Variants in JOSD1 observed in about 807,000 individuals in gnomAD.
JOSD1 encodes Josephin domain containing 1, also known as josephin-1.
A neutral mutation model predicts 24.3 loss-of-function variants in JOSD1; 11 were observed. The ratio of observed to expected loss-of-function variants is 0.45; its 90% CI spans 0.29 to 0.75. The LOEUF (loss-of-function observed/expected upper bound fraction) is 0.75, where lower values mean the gene tolerates loss of function less well. Ranked by LOEUF, JOSD1 falls within the 30% of genes least tolerant of loss-of-function variation. The pLI, the probability that JOSD1 is intolerant of heterozygous loss-of-function variation, is 0.11. For synonymous variants in JOSD1, 106 were observed against 93.8 expected (o/e 1.13, Z -0.75); for missense variants, 184 against 253.5 (o/e 0.73, Z 1.86).
At chr22:38,688,747 G>C (rs2092509009) in intron 4 of JOSD1, among the ~76,000 whole-genome samples, 188 bp downstream of exon 4, 1 of 152,098 alleles carries the variant, frequency 6.6e-6, no homozygotes, top group Non-Finnish European at 1.5e-5. Flanking sequence ...CTACCAAAAG[G>C]ACTTAAAAGT....
intron 2 of JOSD1, among the ~76,000 whole-genome samples, chr22:38,690,425 C>T (rs1205432816): frequency 6.6e-6 from 1 of 150,392 alleles, no homozygotes; most frequent in Non-Finnish European, 1.5e-5. Flanking sequence ...TTTTTTGAGT[C>T]GGAGTCTTGC....
chr22:38,690,280 G>T (rs141273639), intron 2 of JOSD1, among the ~76,000 whole-genome samples: 168 of 152,238 alleles, frequency 1.1e-3, no homozygotes, highest in African/African-American at 3.9e-3. Context: ...TGATCAAGAG[G>T]CTACTACATG....
At chr22:38,695,475 TCTCA>T (rs1279999161) in intron 2 of JOSD1, among the ~76,000 whole-genome samples, 62 of 148,658 alleles carry the variant, frequency 4.2e-4, no homozygotes, top group African/African-American at 1.4e-3. Flanking sequence ...TGAGATAAGG[TCTCA>T]CTCTTTTGCC....
intron 2 of JOSD1, among the ~76,000 whole-genome samples, chr22:38,696,593 C>G (rs568724719): frequency 6.6e-6 from 1 of 152,298 alleles, no homozygotes; most frequent in African/African-American, 2.4e-5. Flanking sequence ...TATACATATA[C>G]ACTGATGACA....
chr22:38,695,203 C>T (rs2092539930), intron 2 of JOSD1, among the ~76,000 whole-genome samples: 1 of 151,994 alleles, frequency 6.6e-6, no homozygotes, highest in African/African-American at 2.4e-5. Flanking sequence ...TTTGCCTAGC[C>T]CTTGGACAAG....
At chr22:38,701,067 C>T (rs2092568480), upstream of JOSD1, 1 of 826,546 alleles carries the variant, frequency 1.2e-6, no homozygotes, top group African/African-American at 1.8e-5. Context: ...TGACGTAAGT[C>T]TGACGTCATC....
chr22:38,695,986 G>A (rs1440026987), intron 2 of JOSD1, among the ~76,000 whole-genome samples: 2 of 152,142 alleles, frequency 1.3e-5, no homozygotes, highest in Non-Finnish European at 2.9e-5. Context: ...AACCCAGAAG[G>A]CGGAGGCTGC....
chr22:38,691,193 T>C (rs182155524), intron 2 of JOSD1, among the ~76,000 whole-genome samples: 1 of 151,720 alleles, frequency 6.6e-6, no homozygotes, highest in Admixed American at 6.6e-5. Context: ...GGCAAAACAC[T>C]GTCTCTGCAA....
intron 2 of JOSD1, among the ~76,000 whole-genome samples, chr22:38,694,840 C>T (rs942524404): frequency 8.8e-6 from 1 of 114,184 alleles, no homozygotes; most frequent in Non-Finnish European, 1.7e-5. Context: ...CCAGCCTGGA[C>T]AAGAGAGCGA....
chr22:38,694,303 G>A (rs548898232), intron 2 of JOSD1, among the ~76,000 whole-genome samples: 45 of 152,330 alleles, frequency 3.0e-4, no homozygotes, highest in African/African-American at 8.7e-4. Context: ...TGCACAGTCA[G>A]GCACAGCTGG....
intron 2 of JOSD1, among the ~76,000 whole-genome samples, chr22:38,692,706 G>A (rs1049541050): frequency 1.3e-5 from 2 of 149,864 alleles, no homozygotes; most frequent in East Asian, 2.0e-4. Flanking sequence ...GCTTGAACCC[G>A]GGAGGCAGAG....
rs913408756 is a variant in JOSD1 at position 38,686,798 on chromosome 22, A to G, written c.*1104T>C. 2 of 152,204 alleles carry G rather than the reference A, an allele frequency of 1.3e-5. No individual in the cohort carries two copies. The highest frequency in any genetic ancestry group is 4.8e-5 in the African/African-American group (2 of 41,424). The allele number at this position is 152,204 out of a possible 1,614,324, so 9.4% of individuals were successfully genotyped here. On this transcript the variant is annotated 3_prime_UTR_variant, in exon 5 of 5. Transcript: ENST00000683374. Reference sequence around the variant, plus strand: ...CGCTGCCCCAAATTAGTGGAATTTGATGTCAAAAGCAGACTTTTTTTTCCT... The same window carrying G: ...CGCTGCCCCAAATTAGTGGAATTTGGTGTCAAAAGCAGACTTTTTTTTCCT...
intron 4 of JOSD1, among the ~76,000 whole-genome samples, chr22:38,688,614 G>A (rs1569262792): frequency 6.6e-6 from 1 of 152,146 alleles, no homozygotes; most frequent in Non-Finnish European, 1.5e-5. Flanking sequence ...TCCCTGGCCT[G>A]CATGTTTGTC....
Position 38,689,358 on chromosome 22 carries a change from C to G in JOSD1, c.252G>C (p.Val84=), listed in dbSNP as rs1569263337. The change falls in exon 3 of 5, where the codon GTG becomes GTC. Residue 84 remains valine (V), a synonymous_variant. Transcript: ENST00000683374. The stretch of plus-strand genomic sequence containing the variant: ...TCTGAAGTGCTGCCATAATGACATT[C>G]ACATCGTAGTTGCCATTTCCCAGCA... ...KSMLGNGNYD[V]NVIMAALQTK... The G allele has an allele frequency of 3.7e-6, 6 of 1,614,226 alleles. No individual in the cohort carries two copies. The Admixed American group carries it at 8.3e-5, about 22-fold the overall frequency.
In JOSD1 at chr22:38,700,033, T is replaced by C; in HGVS notation, c.-46A>G. 1.3e-6 allele frequency: 2 copies of C among 1,535,310 alleles called. No homozygotes were observed. Among genetic ancestry groups the C allele is most frequent in the Non-Finnish European group, 1.7e-6 (2 of 1,143,838 alleles). Reference sequence around the variant, plus strand: ...GAGATGGCTATAAACACCCCACTCTTCCCTCTAGAGGAAGAATGTAAGCTT... The same window carrying C: ...GAGATGGCTATAAACACCCCACTCTCCCCTCTAGAGGAAGAATGTAAGCTT... On this transcript the variant is annotated 5_prime_UTR_variant, in exon 2 of 5. Transcript: ENST00000683374.
At chr22:38,691,574 T>C (rs1282405520) in intron 2 of JOSD1, among the ~76,000 whole-genome samples, 1 of 152,230 alleles carries the variant, frequency 6.6e-6, no homozygotes. Flanking sequence ...TTTTTCTCAC[T>C]GTGCACTCAT....
At chr22:38,696,568 T>A (rs775722266) in intron 2 of JOSD1, among the ~76,000 whole-genome samples, 2 of 152,222 alleles carry the variant, frequency 1.3e-5, no homozygotes, top group Non-Finnish European at 2.9e-5. Flanking sequence ...TGATGAGATC[T>A]AATATCTACA....
In JOSD1 at chr22:38,700,165, C is replaced by G; in HGVS notation, c.-178G>C. 1 of 1,322,940 alleles carries G rather than the reference C, an allele frequency of 7.6e-7. No homozygotes were observed. Among genetic ancestry groups the G allele is most frequent in the Non-Finnish European group, 9.6e-7 (1 of 1,037,154 alleles). The allele number at this position is 1,322,940 out of a possible 1,614,324, so 82.0% of individuals were successfully genotyped here. Reference sequence around the variant, plus strand: ...GAATCAAAAGGAAAAAAATAAAACCCACCTCTTCTCTCTTCTCAATAGAAA... The same window carrying G: ...GAATCAAAAGGAAAAAAATAAAACCGACCTCTTCTCTCTTCTCAATAGAAA... On this transcript the variant is annotated 5_prime_UTR_variant, in exon 2 of 5. Coordinates refer to ENST00000683374, the MANE Select transcript of JOSD1 (RefSeq NM_001360236.2).
chr22:38,691,349 C>A (rs113745533), intron 2 of JOSD1, among the ~76,000 whole-genome samples: 1 of 149,810 alleles, frequency 6.7e-6, no homozygotes, highest in African/African-American at 2.5e-5. Context: ...AGAGTAAGAC[C>A]CTGTCTCAAA....
Sources: gnomAD v4.1 joint callset for allele counts (sites outside exome capture counted in the v4.1 genomes callset) on GRCh38, gnomAD v4.1.1 for gene constraint, MANE v1.5 for transcripts, NCBI Gene and HGNC (gene_info 2026-07-23, HGNC 2026-07-21) for gene names.